Variants in WIPF2 observed in about 807,000 individuals in gnomAD.
WIPF2 encodes the protein WAS/WASL interacting protein family member 2, also known as WAS/WASL-interacting protein family member 2.
WIPF2 carries 23 observed loss-of-function variants against 38.8 expected under a neutral mutation model. The observed-to-expected ratio is 0.59, with a 90% CI of 0.43 to 0.84. WIPF2 has a LOEUF of 0.84. WIPF2 is among the 40% of genes least tolerant of loss of function. WIPF2 has a pLI of 0.00. For synonymous variants in WIPF2, 210 were observed against 223.2 expected (o/e 0.94, Z 0.53); for missense variants, 574 against 580.5 (o/e 0.99, Z 0.11).
intron 1 of WIPF2, among the ~76,000 whole-genome samples, chr17:40,245,949 A>G (rs1455473216): frequency 6.6e-6 from 1 of 152,142 alleles, no homozygotes; most frequent in Non-Finnish European, 1.5e-5. Context: ...GCATTGAACA[A>G]CACGTATAGC....
At chr17:40,224,609 C>G (rs913103833) in intron 1 of WIPF2, among the ~76,000 whole-genome samples, 4 of 151,628 alleles carry the variant, frequency 2.6e-5, no homozygotes, top group African/African-American at 9.7e-5. Context: ...TTCCGTTGCT[C>G]TGCTTGAGCC....
At chr17:40,274,237 T>G (rs2032324689) in intron 6 of WIPF2, among the ~76,000 whole-genome samples, 1 of 152,126 alleles carries the variant, frequency 6.6e-6, no homozygotes, top group Admixed American at 6.6e-5. Flanking sequence ...TCAGCAAGTG[T>G]TGTGCTAACT....
intron 1 of WIPF2, among the ~76,000 whole-genome samples, chr17:40,242,963 A>C (rs1462547036): frequency 6.6e-6 from 1 of 152,126 alleles, no homozygotes; most frequent in African/African-American, 2.4e-5. Flanking sequence ...TGATTTTCAG[A>C]TATTTAATTT....
chr17:40,263,990 T>C (rs775644914), intron 4 of WIPF2, among the ~76,000 whole-genome samples: 73 of 152,022 alleles, frequency 4.8e-4, no homozygotes, highest in Admixed American at 5.2e-4. Context: ...AAAAATAAAG[T>C]AACATTTAAA....
At position 40,219,368 on chromosome 17, in the gene WIPF2, T is replaced by TGGTGGC; in HGVS notation, c.-192_-191insTGGCGG. On this transcript the variant is annotated 5_prime_UTR_variant, in exon 1 of 8. Transcript: ENST00000323571. Reference sequence around the variant, plus strand: ...ATTTCCGGGTTGGCAAAAGGGGCGGTGGCGGCGGCGGCGGCGGCGGCGGCG... The same window carrying TGGTGGC: ...ATTTCCGGGTTGGCAAAAGGGGCGGTGGTGGCGGCGGCGGCGGCGGCGGCGGCGGCG... 3 of 379,540 alleles carry TGGTGGC rather than the reference T, an allele frequency of 7.9e-6. No individual in the cohort carries two copies. The allele number at this position is 379,540 out of a possible 1,614,324, so 23.5% of individuals were successfully genotyped here.
At chr17:40,257,885 T>C (rs141264953) in intron 2 of WIPF2, among the ~76,000 whole-genome samples, 2,363 of 152,246 alleles carry the variant, frequency 0.016, 211 homozygotes, top group Admixed American at 0.14. Context: ...TGTGTGCTTA[T>C]ATGTGTATGT....
chr17:40,244,259 A>G (rs1345820887), intron 1 of WIPF2, among the ~76,000 whole-genome samples: 1 of 152,246 alleles, frequency 6.6e-6, no homozygotes, highest in Non-Finnish European at 1.5e-5. Context: ...TCCCTGTGTG[A>G]TTATAGGAAC....
intron 7 of WIPF2, among the ~76,000 whole-genome samples, chr17:40,277,542 G>A (rs190159651): frequency 1.4e-4 from 21 of 152,156 alleles, no homozygotes; most frequent in Admixed American, 5.9e-4. Context: ...TTAGCTGGGC[G>A]TGGTGGCACA....
intron 1 of WIPF2, among the ~76,000 whole-genome samples, chr17:40,224,404 G>GTTTTT (rs1438370197): frequency 9.4e-6 from 1 of 106,386 alleles, no homozygotes; most frequent in Non-Finnish European, 1.8e-5. Flanking sequence ...CTGATTTTTT[G>GTTTTT]TATTTTTTTT....
At chr17:40,260,428 C>T in intron 2 of WIPF2, 107 bp from the exon 3 acceptor site, 2 of 1,346,108 alleles carry the variant, frequency 1.5e-6, no homozygotes, top group East Asian at 2.4e-5. Flanking sequence ...TTCAAGTGAT[C>T]CACCTGCCTT....
chr17:40,229,349 C>G (rs752713256), intron 1 of WIPF2, among the ~76,000 whole-genome samples: 7 of 152,012 alleles, frequency 4.6e-5, no homozygotes, highest in Admixed American at 3.3e-4. Context: ...TCAGGTGATC[C>G]GCCCACCTCG....
intron 1 of WIPF2, among the ~76,000 whole-genome samples, chr17:40,234,466 G>A (rs917630642): frequency 7.9e-5 from 12 of 151,710 alleles, no homozygotes; most frequent in Non-Finnish European, 1.5e-4. Context: ...AAAAACAACC[G>A]GAAATTATCT....
At chr17:40,237,241 C>CTTTTTTTT (rs533124301) in intron 1 of WIPF2, among the ~76,000 whole-genome samples, 2 of 129,486 alleles carry the variant, frequency 1.5e-5, no homozygotes, top group Non-Finnish European at 3.3e-5. Flanking sequence ...TCAATTTTTC[C>CTTTTTTTT]TTTTTTTTTT....
At chr17:40,265,923 T>C (rs2032073309) in intron 5 of WIPF2, among the ~76,000 whole-genome samples, 1 of 152,162 alleles carries the variant, frequency 6.6e-6, no homozygotes, top group African/African-American at 2.4e-5. Context: ...TTAGGACTAC[T>C]GTGAATTTGT....
intron 1 of WIPF2, among the ~76,000 whole-genome samples, chr17:40,234,244 G>A (rs1264371404): frequency 6.6e-6 from 1 of 151,882 alleles, no homozygotes; most frequent in East Asian, 1.9e-4. Flanking sequence ...GCAAGTGCCT[G>A]TAGTCCCAGC....
intron 5 of WIPF2, among the ~76,000 whole-genome samples, chr17:40,270,760 T>C (rs1191672478): frequency 1.3e-5 from 2 of 152,186 alleles, no homozygotes; most frequent in Non-Finnish European, 2.9e-5. Flanking sequence ...GATTTCTCTT[T>C]AATTATTGCA....
chr17:40,264,479 TG>T lies in WIPF2; in HGVS notation c.314-10del. 6.2e-7 allele frequency: 1 copy of T among 1,614,072 alleles called. No individual in the cohort carries two copies. Among genetic ancestry groups the T allele is most frequent in the South Asian group, 1.1e-5 (1 of 91,082 alleles). On this transcript the variant is annotated splice_polypyrimidine_tract_variant and intron_variant, in intron 4 of 7. Transcript: ENST00000323571. ...AGCTCTGTTGACCCTGTGTTGTCTA[TG>T]TATTTGTAGAGAACCTAGCTGGTAA...
At chr17:40,246,085 A>G (rs1460806299) in intron 1 of WIPF2, among the ~76,000 whole-genome samples, 3 of 148,392 alleles carry the variant, frequency 2.0e-5, no homozygotes, top group Non-Finnish European at 4.4e-5. Flanking sequence ...CTTTTAGACA[A>G]TGCTACTCTT....
In WIPF2 at chr17:40,219,495, C is replaced by T. The variant is rs1391209232; in HGVS notation, c.-70+3C>T. ...GCTCCCAGAGCAGCTGCGGCCAGGT[C>T]GGAAAGAGGCCGGGGCGGCTGGGTC... On this transcript the variant is annotated splice_donor_region_variant and intron_variant, in intron 1 of 7. Coordinates refer to ENST00000323571, the MANE Select transcript of WIPF2 (RefSeq NM_133264.5). 9 of 156,950 alleles carry T rather than the reference C, an allele frequency of 5.7e-5. No homozygotes were observed. The highest frequency in any genetic ancestry group is 1.1e-4 in the Non-Finnish European group (8 of 75,656). The allele number at this position is 156,950 out of a possible 1,614,324, so 9.7% of individuals were successfully genotyped here.
Sources: gnomAD v4.1 joint callset for allele counts (sites outside exome capture counted in the v4.1 genomes callset) on GRCh38, gnomAD v4.1.1 for gene constraint, MANE v1.5 for transcripts, NCBI Gene and HGNC (gene_info 2026-07-23, HGNC 2026-07-21) for gene names.